Variants in CREBBP observed in about 807,000 individuals in gnomAD.
CREBBP encodes the protein CREB-binding protein.
In CREBBP, 19 loss-of-function variants were observed where a neutral mutation model predicts 265.0. That is an observed-to-expected ratio of 0.07 (90% CI 0.05 to 0.11). The LOEUF (loss-of-function observed/expected upper bound fraction) is 0.11, where lower values mean the gene tolerates loss of function less well. Among genes scored for constraint, CREBBP ranks in the 10% least tolerant of loss-of-function variants. The probability of loss-of-function intolerance (pLI) is 1.00; values close to 1 mark genes in which losing one functional copy is unlikely to be tolerated. For missense variants in CREBBP, 2,525 were observed against 3,219.0 expected, an observed-to-expected ratio of 0.78 and a Z score of 5.22; for synonymous variants, 1,457 against 1,223.7, an observed-to-expected ratio of 1.19 and a Z score of -3.98.
chr16:3,745,161 C>T lies in CREBBP; in HGVS notation c.3914+116G>A, dbSNP rs983143680. ...ACTTAAATTTAGAACCAACTGCCAT[C>T]TCTCTTAATCGCTGAATTCTTGCTG... On this transcript the variant is annotated intron_variant, in intron 22 of 30. Coordinates refer to ENST00000262367, the MANE Select transcript of CREBBP (RefSeq NM_004380.3). 25 of 1,057,096 alleles carry T rather than the reference C, an allele frequency of 2.4e-5. 1 individual carries two copies. The South Asian group carries it at 3.4e-4, about 14-fold the overall frequency. 65.5% of individuals were successfully genotyped at this position (1,057,096 alleles called of 1,614,324 possible).
At chr16:3,818,303 C>CTTTTTTTT (rs71133660) in intron 2 of CREBBP, among the ~76,000 whole-genome samples, 5 of 106,450 alleles carry the variant, frequency 4.7e-5, no homozygotes, top group Non-Finnish European at 7.7e-5. Flanking sequence ...GTTTTCTTTT[C>CTTTTTTTT]TTTTTTTTTT....
intron 23 of CREBBP, 111 bp from the exon 24 acceptor site, chr16:3,740,660 C>G: frequency 1.6e-6 from 2 of 1,230,898 alleles, no homozygotes; most frequent in South Asian, 2.5e-5. Context: ...TTTTAAAGGA[C>G]TAATGTTCTC....
chr16:3,785,967 G>A (rs2053377507), intron 5 of CREBBP, among the ~76,000 whole-genome samples: 1 of 152,180 alleles, frequency 6.6e-6, no homozygotes, highest in Non-Finnish European at 1.5e-5. Flanking sequence ...TGAAGAAGGA[G>A]CCTATGACCT....
chr16:3,790,391 T>G (rs1391284845), intron 5 of CREBBP, among the ~76,000 whole-genome samples: 1 of 93,768 alleles, frequency 1.1e-5, no homozygotes, highest in African/African-American at 3.9e-5. Context: ...TTTTTTTTTT[T>G]GAGACGGAGT....
At chr16:3,856,183 T>C (rs2054960298) in intron 1 of CREBBP, among the ~76,000 whole-genome samples, 1 of 152,234 alleles carries the variant, frequency 6.6e-6, no homozygotes, top group African/African-American at 2.4e-5. Flanking sequence ...CTCTGTGCAA[T>C]GGCACAATCA....
chr16:3,832,859 G>A (rs1490615151), intron 2 of CREBBP, among the ~76,000 whole-genome samples: 1 of 151,646 alleles, frequency 6.6e-6, no homozygotes, highest in African/African-American at 2.4e-5. Flanking sequence ...TGCAAGGCTG[G>A]TTCAACACTC....
At position 3,751,587 on chromosome 16, in the gene CREBBP, T is replaced by C. The variant is rs938882474; in HGVS notation, c.3779+139A>G. 8.7e-6 allele frequency: 7 copies of C among 809,162 alleles called. No individual in the cohort carries two copies. The African/African-American group carries it at 1.2e-4, about 14-fold the overall frequency. 50.1% of individuals were successfully genotyped at this position (809,162 alleles called of 1,614,324 possible). A position where few individuals can be genotyped will look rare whatever the true frequency, so the allele number is the denominator to read the frequency against. Reference sequence around the variant, plus strand: ...ACCCAGGTGACAGAATGAGAACCTGTCTCAAAAACAAAAAACCAAAAAACA... The same window carrying C: ...ACCCAGGTGACAGAATGAGAACCTGCCTCAAAAACAAAAAACCAAAAAACA... On this transcript the variant is annotated intron_variant, in intron 20 of 30. Transcript: ENST00000262367.
Position 3,725,320 on chromosome 16 carries a change from T to C in CREBBP, c.*2398A>G, listed in dbSNP as rs1304855320. On this transcript the variant is annotated 3_prime_UTR_variant, in exon 31 of 31. Transcript: ENST00000262367. The stretch of plus-strand genomic sequence containing the variant: ...GATGCAGACTCCAAAGAGGATGAGG[T>C]TGGTACATAACGTTTTGAATTCCAG... 1 of 233,084 alleles carries C rather than the reference T, an allele frequency of 4.3e-6. No individual in the cohort carries two copies. The highest frequency in any genetic ancestry group is 2.2e-5 in the African/African-American group (1 of 45,330). The allele number at this position is 233,084 out of a possible 1,614,324, so 14.4% of individuals were successfully genotyped here.
Position 3,738,657 on chromosome 16 carries a change from A to C in CREBBP, c.4296T>G (p.Ser1432=). ...PPPNTRRVYI[S]YLDSIHFFRP... ...GGAAGAAATGAATACTATCCAGATA[A>C]GAAATGTACACACGCCTGTGGGAAG... The change falls in exon 26 of 31, where the codon TCT becomes TCG. Residue 1432 remains serine, a synonymous_variant. Coordinates refer to ENST00000262367, the MANE Select transcript of CREBBP (RefSeq NM_004380.3). 1 of 1,612,436 alleles carries C rather than the reference A, an allele frequency of 6.2e-7. No homozygotes were observed. Among genetic ancestry groups the C allele is most frequent in the East Asian group, 2.2e-5 (1 of 44,880 alleles).
intron 4 of CREBBP, among the ~76,000 whole-genome samples, chr16:3,792,592 C>T (rs1012452507): frequency 1.3e-5 from 2 of 152,184 alleles, no homozygotes; most frequent in African/African-American, 4.8e-5. Context: ...GTTATTCCGT[C>T]TTCATCTTCT....
In CREBBP at chr16:3,744,303, T is replaced by C. The variant is rs575486949; in HGVS notation, c.3982+591A>G. Among the ~76,000 whole-genome samples the C allele has an allele frequency of 2.1e-4, 32 of 152,020 alleles. No homozygotes were observed. The South Asian group carries it at 3.1e-3, about 15-fold the overall frequency. ...CGGGACAGACCCACGGCAGCCCACATAGGGCCCAGGGTTAGAGAGTGCTGG... is the reference window on the plus strand; with the variant it reads ...CGGGACAGACCCACGGCAGCCCACACAGGGCCCAGGGTTAGAGAGTGCTGG... On this transcript the variant is annotated intron_variant, in intron 23 of 30. Coordinates refer to ENST00000262367, the MANE Select transcript of CREBBP (RefSeq NM_004380.3).
Position 3,793,615 on chromosome 16 carries a change from T to G in CREBBP, c.987A>C (p.Gln329His). 5 of 1,613,174 alleles carry G rather than the reference T, an allele frequency of 3.1e-6. No individual in the cohort carries two copies. The highest frequency in any genetic ancestry group is 4.2e-6 in the Non-Finnish European group (5 of 1,180,006). Residue 329 changes from glutamine (Q) to histidine (H), a missense_variant, in exon 4 of 31, where the codon CAA (glutamine) becomes CAC (histidine). Physicochemically the swap from Gln to His is conservative, Grantham distance 24. Around this residue, in one of 19 missense-constraint regions of CREBBP, gnomAD observed 126 missense variants for 171.9 expected, o/e 0.73. Transcript: ENST00000262367. ...VTNVPNMSQMQTSVGIVPTQA... is the reference protein window; with the variant it reads ...VTNVPNMSQMHTSVGIVPTQA... ...GTGTGGGTACAATTCCCACTGATGT[T>G]TGCATCTGAGACTAAAATAAAGCAA...
chr16:3,793,499 T>C lies in CREBBP; in HGVS notation c.1103A>G (p.Gln368Arg). The change falls in exon 4 of 31, where the codon CAG (glutamine) becomes CGG (arginine). Residue 368 changes from glutamine to arginine, a missense_variant. Transcript: ENST00000262367. ...CTCTCCGTTTGCTTGCTCTCGTCTC[T>C]GACACTTATGAGCATGAAGCAGTAG... ...LVLLLHAHKCQRREQANGEVR... is the reference protein window; with the variant it reads ...LVLLLHAHKCRRREQANGEVR... 1.2e-6 allele frequency: 2 copies of C among 1,614,198 alleles called. No individual in the cohort carries two copies. Among genetic ancestry groups the C allele is most frequent in the Non-Finnish European group, 8.5e-7 (1 of 1,180,044 alleles).
Position 3,770,832 on chromosome 16 carries a change from G to A in CREBBP, c.2618C>T (p.Thr873Ile), listed in dbSNP as rs2141202712. The change falls in exon 14 of 31, where the codon ACA becomes ATA. Residue 873 changes from threonine to isoleucine, a missense_variant. Physicochemically the swap from Thr to Ile is moderately conservative, Grantham distance 89 (BLOSUM62 -1). This residue lies in a region of CREBBP where 548 missense variants were observed against 533.0 expected (regional missense o/e 1.03). Coordinates refer to ENST00000262367, the MANE Select transcript of CREBBP (RefSeq NM_004380.3). ...CTGGGGAGGAGTCATCCCAGGTGGTGTCGTGTGCTGGAGAGATGGCATGCC... is the reference window on the plus strand; with the variant it reads ...CTGGGGAGGAGTCATCCCAGGTGGTATCGTGTGCTGGAGAGATGGCATGCC... ...AAGMPSLQHT[T>I]PPGMTPPQPA... is the part of the protein sequence containing the mutation. 2 of 1,614,066 alleles carry A rather than the reference G, an allele frequency of 1.2e-6. No homozygotes were observed. Among genetic ancestry groups the A allele is most frequent in the South Asian group, 2.2e-5 (2 of 91,070 alleles).
chr16:3,800,154 T>C (rs2053683872), intron 3 of CREBBP, among the ~76,000 whole-genome samples: 1 of 152,224 alleles, frequency 6.6e-6, no homozygotes, highest in Non-Finnish European at 1.5e-5. Context: ...AGGGTCTCAC[T>C]GCTACCCAGG....
chr16:3,728,182 G>C lies in CREBBP; in HGVS notation c.6865C>G (p.Gln2289Glu), dbSNP rs2151300933. 1 of 1,614,038 alleles carries C rather than the reference G, an allele frequency of 6.2e-7. No individual in the cohort carries two copies. The highest frequency in any genetic ancestry group is 8.5e-7 in the Non-Finnish European group (1 of 1,180,006). Reference protein sequence around the residue: ...LGADSTPNIQQALQQRILQQQ... With the variant: ...LGADSTPNIQEALQQRILQQQ... ...TGCAGAATCCGCTGCTGCAGGGCTT[G>C]CTGGATGTTGGGGGTGCTGTCTGCC... Residue 2289 changes from glutamine (Q) to glutamate (E), a missense_variant, in exon 31 of 31, where the codon CAA becomes GAA. This residue lies in a region of CREBBP where 473 missense variants were observed against 459.3 expected (regional missense o/e 1.03). Coordinates refer to ENST00000262367, the MANE Select transcript of CREBBP (RefSeq NM_004380.3). This position sits in a 1 kb window ranked among gnomAD's most constrained non-coding sequence, Gnocchi z 8.7.
At chr16:3,816,697 G>A (rs896557367) in intron 2 of CREBBP, among the ~76,000 whole-genome samples, 1 of 152,162 alleles carries the variant, frequency 6.6e-6, no homozygotes, top group Non-Finnish European at 1.5e-5. Context: ...GGCTCTAGAG[G>A]ATTATCTGTC....
rs1381915361 is a variant in CREBBP, at chr16:3,771,819, T to TA, written c.2464-834dup. On this transcript the variant is annotated intron_variant, in intron 13 of 30. Transcript: ENST00000262367. ...ATTTAAAACTTTTTTTTTTTTTTTTTAAAAAAAAAAAGACAGAGTCTCGCT... is the reference window on the plus strand; with the variant it reads ...ATTTAAAACTTTTTTTTTTTTTTTTTAAAAAAAAAAAAGACAGAGTCTCGCT... Among the ~76,000 whole-genome samples the TA allele has an allele frequency of 1.6e-3, 217 of 135,768 alleles. 1 individual carries two copies. The highest frequency in any genetic ancestry group is 4.0e-3 in the African/African-American group (137 of 34,098). 89.1% of individuals were successfully genotyped at this position (135,768 alleles called of 152,430 possible).
chr16:3,849,076 G>A (rs1171346801), intron 2 of CREBBP, among the ~76,000 whole-genome samples: 1 of 152,124 alleles, frequency 6.6e-6, no homozygotes, highest in Admixed American at 6.5e-5. Context: ...CAAATCCAAA[G>A]AACAGCCCAA....
Sources: allele counts gnomAD v4.1 joint callset (sites outside exome capture counted in the v4.1 genomes callset), GRCh38; gene constraint gnomAD v4.1.1; regional missense constraint gnomAD v4.1.1; non-coding constraint Gnocchi (gnomAD v3.1); transcripts MANE v1.5; gene names NCBI Gene and HGNC (gene_info 2026-07-23, HGNC 2026-07-21).